RBFOX1: variants seen among roughly 807,000 people sequenced by gnomAD.
RBFOX1 encodes the protein RNA binding protein fox-1 homolog 1.
RBFOX1 carries 8 observed loss-of-function variants against 57.7 expected under a neutral mutation model. The ratio of observed to expected loss-of-function variants is 0.14; its 90% CI spans 0.08 to 0.25. The LOEUF is 0.25. Among genes scored for constraint, RBFOX1 ranks in the 10% least tolerant of loss-of-function variants. The probability of loss-of-function intolerance (pLI) is 1.00; values close to 1 mark genes in which losing one functional copy is unlikely to be tolerated. For missense variants in RBFOX1, 611 were observed against 548.5 expected (o/e 1.11, Z -1.14); for synonymous variants, 326 against 222.4 (o/e 1.47, Z -4.15).
chr16:6,855,027 C>T (rs541292126), intron 3 of RBFOX1, among the ~76,000 whole-genome samples: 1 of 151,760 alleles, frequency 6.6e-6, no homozygotes, highest in Non-Finnish European at 1.5e-5. Flanking sequence ...GACAATGTTT[C>T]ACTGTTGGGA....
At chr16:6,094,289 G>A (rs2096216643) in intron 1 of RBFOX1, among the ~76,000 whole-genome samples, 1 of 152,186 alleles carries the variant, frequency 6.6e-6, no homozygotes, top group African/African-American at 2.4e-5. Context: ...AAGGAAGAGA[G>A]ACCATTGGGG....
chr16:7,452,086 A>G (rs1052883254), intron 4 of RBFOX1, among the ~76,000 whole-genome samples: 1 of 152,378 alleles, frequency 6.6e-6, no homozygotes, highest in South Asian at 2.1e-4. Flanking sequence ...AGGAATGAGA[A>G]GCAATGTAGT....
At chr16:6,784,816 C>G (rs369873892) in intron 3 of RBFOX1, among the ~76,000 whole-genome samples, 1 of 151,884 alleles carries the variant, frequency 6.6e-6, no homozygotes, top group African/African-American at 2.4e-5. Flanking sequence ...TGTTCCACCT[C>G]ATATATTTCA....
At chr16:5,631,644 T>G (rs2048511072) in intron 3 of RBFOX1, among the ~76,000 whole-genome samples, 1 of 152,196 alleles carries the variant, frequency 6.6e-6, no homozygotes. Flanking sequence ...TTTGCCCTTC[T>G]GCATTCATGT....
chr16:6,737,880 G>A (rs2154179831), intron 3 of RBFOX1, among the ~76,000 whole-genome samples: 1 of 152,270 alleles, frequency 6.6e-6, no homozygotes, highest in South Asian at 2.1e-4. Context: ...ATATTTTCGA[G>A]ATGGGGGAAG....
chr16:6,034,035 G>T (rs916718591), intron 1 of RBFOX1, among the ~76,000 whole-genome samples: 4 of 152,054 alleles, frequency 2.6e-5, no homozygotes, highest in Non-Finnish European at 5.9e-5. Flanking sequence ...GGGTGATTTA[G>T]AAAGAATAGG....
At chr16:5,847,844 C>G (rs1221403045) in intron 3 of RBFOX1, among the ~76,000 whole-genome samples, 1 of 152,128 alleles carries the variant, frequency 6.6e-6, no homozygotes, top group East Asian at 1.9e-4. Context: ...ATGCTCTGTT[C>G]AGAATCAACA....
At chr16:7,536,608 A>G (rs1016334688) in intron 5 of RBFOX1, among the ~76,000 whole-genome samples, 3 of 152,130 alleles carry the variant, frequency 2.0e-5, no homozygotes, top group Non-Finnish European at 4.4e-5. Flanking sequence ...AAATAATAAT[A>G]ATTAATAAAT....
intron 3 of RBFOX1, among the ~76,000 whole-genome samples, chr16:6,834,638 T>G (rs997398176): frequency 7.9e-5 from 12 of 152,094 alleles, no homozygotes; most frequent in Non-Finnish European, 1.6e-4. Context: ...GTAGACAGAT[T>G]GTTGTTACTC....
At chr16:7,240,533 G>C (rs770508943) in intron 4 of RBFOX1, among the ~76,000 whole-genome samples, 1 of 151,960 alleles carries the variant, frequency 6.6e-6, no homozygotes, top group Non-Finnish European at 1.5e-5. Flanking sequence ...GGTTTTCGTG[G>C]TGTTTTTTGT....
At chr16:6,407,889 G>A (rs139940243) in intron 2 of RBFOX1, among the ~76,000 whole-genome samples, 28 of 152,206 alleles carry the variant, frequency 1.8e-4, no homozygotes, top group African/African-American at 6.3e-4. Flanking sequence ...CTGAATGTTC[G>A]CTTTTCCCCA....
intron 3 of RBFOX1, among the ~76,000 whole-genome samples, chr16:5,714,487 C>T (rs779744982): frequency 2.6e-5 from 4 of 152,124 alleles, no homozygotes; most frequent in East Asian, 1.9e-4. Flanking sequence ...GACATGTGAG[C>T]GAGCCCAGGT....
In RBFOX1 at chr16:6,673,455, G is replaced by C. The variant is rs565580386; in HGVS notation, c.-16+18805G>C. Among the ~76,000 whole-genome samples, 3 of 152,268 alleles carry C rather than the reference G, an allele frequency of 2.0e-5. No individual in the cohort carries two copies. The East Asian group carries it at 5.8e-4, about 30-fold the overall frequency. ...ATACAAAAATTAGTCGGGCCTGGTG[G>C]TGCATGCCTGTAATCCCAGCTACTG... On this transcript the variant is annotated intron_variant, in intron 3 of 15. Transcript: ENST00000550418.
At chr16:6,200,383 T>TGA (rs138461498) in intron 1 of RBFOX1, among the ~76,000 whole-genome samples, 39 of 149,690 alleles carry the variant, frequency 2.6e-4, no homozygotes, top group African/African-American at 7.6e-4. Context: ...CTGATGTGAG[T>TGA]GAGAGAGAGA....
intron 2 of RBFOX1, among the ~76,000 whole-genome samples, chr16:5,517,159 C>A (rs75051178): frequency 6.6e-6 from 1 of 152,110 alleles, no homozygotes; most frequent in Non-Finnish European, 1.5e-5. Flanking sequence ...TCACCAGGAG[C>A]AGAAACTCCA....
intron 1 of RBFOX1, among the ~76,000 whole-genome samples, chr16:6,310,842 G>T (rs1419698447): frequency 1.3e-5 from 2 of 151,794 alleles, no homozygotes; most frequent in African/African-American, 4.8e-5. Context: ...CACTGTGCTT[G>T]GGGAGTCAGC....
At position 7,659,978 on chromosome 16, in the gene RBFOX1, A is replaced by G. The variant is rs138735276; in HGVS notation, c.891-4951A>G. Among the ~76,000 whole-genome samples, 14 of 152,272 alleles carry G rather than the reference A, an allele frequency of 9.2e-5. No homozygotes were observed. In the East Asian group the frequency reaches 2.5e-3, roughly 27 times the overall value. On this transcript the variant is annotated intron_variant, in intron 12 of 15. Transcript: ENST00000550418. ...TGCCAGCTAGTTTCTGATCCCCCCAATATCCATTAAAAAATAGCGGTATTT... is the reference window on the plus strand; with the variant it reads ...TGCCAGCTAGTTTCTGATCCCCCCAGTATCCATTAAAAAATAGCGGTATTT...
At chr16:7,670,668 A>G (rs903566904) in intron 13 of RBFOX1, among the ~76,000 whole-genome samples, 2 of 152,226 alleles carry the variant, frequency 1.3e-5, no homozygotes, top group Non-Finnish European at 2.9e-5. Context: ...GACTTTTAAC[A>G]TAAGGAAGCA....
intron 2 of RBFOX1, among the ~76,000 whole-genome samples, chr16:6,474,424 T>C (rs1009665973): frequency 1.3e-5 from 2 of 152,170 alleles, no homozygotes; most frequent in African/African-American, 4.8e-5. Flanking sequence ...ACTTAAAGAA[T>C]TTTCACTTTG....
Sources: gnomAD v4.1 joint callset for allele counts (sites outside exome capture counted in the v4.1 genomes callset) on GRCh38, gnomAD v4.1.1 for gene constraint, MANE v1.5 for transcripts, NCBI Gene and HGNC (gene_info 2026-07-23, HGNC 2026-07-21) for gene names.